Variants in SYN3 observed in about 807,000 individuals in gnomAD.
SYN3 encodes the protein synapsin III.
A neutral mutation model predicts 65.8 loss-of-function variants in SYN3; 35 were observed. The observed-to-expected ratio is 0.53, with a 90% CI of 0.41 to 0.70. The LOEUF is 0.70. Among genes scored for constraint, SYN3 ranks in the 30% least tolerant of loss-of-function variants. SYN3 has a pLI of 0.00. For missense variants in SYN3, 680 were observed against 749.0 expected, an observed-to-expected ratio of 0.91 and a Z score of 1.08; for synonymous variants, 270 against 292.9, an observed-to-expected ratio of 0.92 and a Z score of 0.80.
intron 3 of SYN3, 32 bp from the exon 4 acceptor site, chr22:32,931,513 A>C (rs2050632802): frequency 6.8e-7 from 1 of 1,477,150 alleles, no homozygotes; most frequent in East Asian, 2.3e-5. Context: ...AAAAGGATTC[A>C]TCAAATACCA....
intron 1 of SYN3, among the ~76,000 whole-genome samples, chr22:33,048,037 G>A (rs185899979): frequency 2.4e-4 from 37 of 152,186 alleles, no homozygotes; most frequent in East Asian, 1.9e-3. Flanking sequence ...AATACTGTCC[G>A]GAGGAGGCAG....
At chr22:32,847,489 A>G (rs930869519) in intron 6 of SYN3, among the ~76,000 whole-genome samples, 1 of 152,222 alleles carries the variant, frequency 6.6e-6, no homozygotes, top group African/African-American at 2.4e-5. Context: ...TGAAGGGGCC[A>G]TTGATTCATC....
Position 32,801,841 on chromosome 22 carries a change from C to A in SYN3, c.711+63074G>T. The A allele has an allele frequency of 1.1e-6, 1 of 918,954 alleles. No homozygotes were observed. Among genetic ancestry groups the A allele is most frequent in the Non-Finnish European group, 1.4e-6 (1 of 712,596 alleles). The allele number at this position is 918,954 out of a possible 1,614,324, so 56.9% of individuals were successfully genotyped here. A position where few individuals can be genotyped will look rare whatever the true frequency, so the allele number is the denominator to read the frequency against. ...CCGAGGCAGCCTCGCTGCGCCCCAT[C>A]CCGTCCCGCCGGGCACTCGGAGGGC... On this transcript the variant is annotated intron_variant, in intron 6 of 13. Coordinates refer to ENST00000358763, the MANE Select transcript of SYN3 (RefSeq NM_003490.4). The surrounding 1 kb of genome is among the most constrained non-coding windows in gnomAD (Gnocchi z 4.7).
chr22:32,876,259 T>C (rs2048979041), intron 4 of SYN3, among the ~76,000 whole-genome samples: 1 of 152,114 alleles, frequency 6.6e-6, no homozygotes, highest in Non-Finnish European at 1.5e-5. Flanking sequence ...ACAAATCCCA[T>C]TCATTAGGGC....
chr22:32,746,065 C>A (rs2044923353), intron 6 of SYN3, among the ~76,000 whole-genome samples: 1 of 152,220 alleles, frequency 6.6e-6, no homozygotes. Context: ...ATAGTCACCT[C>A]TTAAGAATTG....
At chr22:32,867,926 G>A (rs536147752) in intron 5 of SYN3, among the ~76,000 whole-genome samples, 20 of 152,248 alleles carry the variant, frequency 1.3e-4, no homozygotes, top group Admixed American at 5.9e-4. Flanking sequence ...ACATTTGGAT[G>A]GAAACTCAAA....
intron 6 of SYN3, among the ~76,000 whole-genome samples, chr22:32,631,156 G>A (rs575361519): frequency 2.0e-5 from 3 of 152,122 alleles, no homozygotes; most frequent in African/African-American, 4.8e-5. Flanking sequence ...TTAACTGGGC[G>A]TGGTGGCATG....
intron 3 of SYN3, among the ~76,000 whole-genome samples, chr22:32,962,299 C>T (rs2051680701): frequency 6.6e-6 from 1 of 151,878 alleles, no homozygotes; most frequent in Non-Finnish European, 1.5e-5. Flanking sequence ...CCTCACCCGG[C>T]TAATTTTTGT....
chr22:32,647,621 T>C (rs2060002834), intron 6 of SYN3, among the ~76,000 whole-genome samples: 1 of 152,016 alleles, frequency 6.6e-6, no homozygotes, highest in South Asian at 2.1e-4. Context: ...TATTTATTTA[T>C]TTATTGAGAT....
chr22:32,925,782 C>T (rs1287994982), intron 4 of SYN3, among the ~76,000 whole-genome samples: 1 of 151,872 alleles, frequency 6.6e-6, no homozygotes, highest in Non-Finnish European at 1.5e-5. Context: ...ACGTCTGGGA[C>T]ACTGCTTGGG....
intron 2 of SYN3, among the ~76,000 whole-genome samples, chr22:32,987,323 G>A (rs2052557342): frequency 6.6e-6 from 1 of 152,200 alleles, no homozygotes; most frequent in African/African-American, 2.4e-5. Flanking sequence ...AAAACACTCA[G>A]AGACTTTGCC....
At chr22:32,596,195 C>A (rs1197195516) in intron 7 of SYN3, among the ~76,000 whole-genome samples, 3 of 152,308 alleles carry the variant, frequency 2.0e-5, no homozygotes, top group East Asian at 3.9e-4. Flanking sequence ...CCTGAGGCCT[C>A]CCCAGCCATG....
Position 32,534,217 on chromosome 22 carries a change from C to G in SYN3, c.993-322G>C, listed in dbSNP as rs73172120. Among the ~76,000 whole-genome samples, 1,156 of 152,184 alleles carry G rather than the reference C, an allele frequency of 7.6e-3. 6 individuals carry two copies. Among genetic ancestry groups the G allele is most frequent in the South Asian group, 0.037 (176 of 4,814 alleles). ...AGAAGGAACCAGAGTTGGGAGAGGT[C>G]TCCCCCGACCCCAGGACTTGCTGGC... On this transcript the variant is annotated intron_variant, in intron 9 of 13. Coordinates refer to ENST00000358763, the MANE Select transcript of SYN3 (RefSeq NM_003490.4).
chr22:33,035,142 G>A (rs553348572), intron 1 of SYN3, among the ~76,000 whole-genome samples: 3 of 152,198 alleles, frequency 2.0e-5, no homozygotes, highest in Admixed American at 6.5e-5. Context: ...GAAGCTGGGC[G>A]GTCACCAGCA....
At chr22:33,000,738 C>T (rs1417174341) in intron 2 of SYN3, among the ~76,000 whole-genome samples, 1 of 152,176 alleles carries the variant, frequency 6.6e-6, no homozygotes, top group Non-Finnish European at 1.5e-5. Flanking sequence ...AAGAAGGGGG[C>T]CCTGTGAGCT....
chr22:33,015,242 A>AAAAAAAT lies in SYN3; in HGVS notation c.-162-8419_-162-8418insATTTTTT, dbSNP rs56343315. The AAAAAAAT allele has an allele frequency of 1.2e-4, 25 of 216,192 alleles. 1 individual carries two copies. Among genetic ancestry groups the AAAAAAAT allele is most frequent in the South Asian group, 5.6e-4 (10 of 17,852 alleles). 13.4% of individuals were successfully genotyped at this position (216,192 alleles called of 1,614,324 possible). Reference sequence around the variant, plus strand: ...TCTCAAAAAAAAAAAAAAAAAAAAAACTACTGTATCTTGGACGAGACTATC... The same window carrying AAAAAAAT: ...TCTCAAAAAAAAAAAAAAAAAAAAAAAAAAAATCTACTGTATCTTGGACGAGACTATC... On this transcript the variant is annotated intron_variant, in intron 1 of 13. Transcript: ENST00000358763.
chr22:32,550,000 T>C (rs2058389145), intron 7 of SYN3, among the ~76,000 whole-genome samples: 1 of 152,112 alleles, frequency 6.6e-6, no homozygotes, highest in Non-Finnish European at 1.5e-5. Context: ...ACTGTATATA[T>C]CTTGTTTTTA....
chr22:32,948,429 A>T (rs1342238847), intron 3 of SYN3, among the ~76,000 whole-genome samples: 1 of 152,132 alleles, frequency 6.6e-6, no homozygotes, highest in Non-Finnish European at 1.5e-5. Context: ...ATATAATTGG[A>T]ATCATCCATT....
chr22:32,614,024 T>C (rs2146702898), intron 6 of SYN3, among the ~76,000 whole-genome samples: 1 of 152,314 alleles, frequency 6.6e-6, no homozygotes, highest in Middle Eastern at 3.4e-3. Context: ...GTGCTTCAAG[T>C]TCTGCATTTG....
Sources: allele counts gnomAD v4.1 joint callset (sites outside exome capture counted in the v4.1 genomes callset), GRCh38; gene constraint gnomAD v4.1.1; non-coding constraint Gnocchi (gnomAD v3.1); transcripts MANE v1.5; gene names NCBI Gene and HGNC (gene_info 2026-07-23, HGNC 2026-07-21).